LRP1B: variants seen among roughly 807,000 people sequenced by gnomAD.
LRP1B encodes the protein LDL receptor related protein 1B.
In LRP1B, 217 loss-of-function variants were observed where a neutral mutation model predicts 556.6. That is an observed-to-expected ratio of 0.39 (90% CI 0.35 to 0.44). The LOEUF is 0.44. Among genes scored for constraint, LRP1B ranks in the 20% least tolerant of loss-of-function variants. The pLI, the probability that LRP1B is intolerant of heterozygous loss-of-function variation, is 1.00. For missense variants in LRP1B, 5,053 were observed against 5,620.8 expected (o/e 0.90, Z 3.23); for synonymous variants, 2,047 against 1,865.8 (o/e 1.10, Z -2.50).
intron 3 of LRP1B, among the ~76,000 whole-genome samples, chr2:141,321,094 T>C (rs979736692): frequency 1.2e-4 from 19 of 152,100 alleles, no homozygotes; most frequent in Admixed American, 1.1e-3. Context: ...TAAACAGCCA[T>C]GTAACATGAA....
intron 11 of LRP1B, 63 bp from the exon 12 acceptor site, chr2:141,020,165 CT>C: frequency 1.1e-5 from 10 of 952,102 alleles, no homozygotes; most frequent in Non-Finnish European, 1.5e-5. Context: ...TTAGTGTTCA[CT>C]ACTAATAGCT....
rs149033375 is a variant in LRP1B at position 140,494,529 on chromosome 2, T to C, written c.9034+1036A>G. ...CTGAGGCGGGAGAATGGTGTGAACC[T>C]GGGGGAGGCAGAGCTTGCAGCGAGC... On this transcript the variant is annotated intron_variant, in intron 56 of 90. Transcript: ENST00000389484. Among the ~76,000 whole-genome samples the C allele has an allele frequency of 3.8e-3, 533 of 139,278 alleles. 8 individuals are homozygous for C. Among genetic ancestry groups the C allele is most frequent in the African/African-American group, 0.013 (493 of 36,810 alleles). The allele number at this position is 139,278 out of a possible 152,430, so 91.4% of individuals were successfully genotyped here.
intron 31 of LRP1B, among the ~76,000 whole-genome samples, chr2:140,828,358 C>T (rs1386480509): frequency 6.6e-6 from 1 of 151,508 alleles, no homozygotes; most frequent in Non-Finnish European, 1.5e-5. Flanking sequence ...GCCTGTAATC[C>T]CAGCACTTTG....
chr2:141,913,420 T>G (rs1262859825), intron 1 of LRP1B, among the ~76,000 whole-genome samples: 2 of 152,160 alleles, frequency 1.3e-5, no homozygotes, highest in Non-Finnish European at 2.9e-5. Flanking sequence ...GGGAGATCCT[T>G]CCCACTCTCC....
chr2:141,982,286 C>T (rs1455803574), intron 1 of LRP1B, among the ~76,000 whole-genome samples: 1 of 152,100 alleles, frequency 6.6e-6, no homozygotes, highest in African/African-American at 2.4e-5. Flanking sequence ...TAATTTAGAA[C>T]AAGCATTCAA....
chr2:142,097,086 C>T (rs957990535), intron 1 of LRP1B, among the ~76,000 whole-genome samples: 2 of 151,382 alleles, frequency 1.3e-5, no homozygotes, highest in African/African-American at 4.8e-5. Context: ...TACCAACAGT[C>T]CTGCTGTATT....
intron 2 of LRP1B, among the ~76,000 whole-genome samples, chr2:141,652,457 T>G (rs1226435836): frequency 7.2e-5 from 11 of 152,196 alleles, no homozygotes. Context: ...ATAGTATGAG[T>G]AAACATTTTG....
intron 10 of LRP1B, among the ~76,000 whole-genome samples, chr2:141,050,632 C>T (rs1020594423): frequency 2.6e-5 from 4 of 151,964 alleles, no homozygotes; most frequent in Admixed American, 6.6e-5. Flanking sequence ...CAAAAATTAA[C>T]TCAAGATGGA....
At chr2:140,863,133 T>C (rs531800756) in intron 27 of LRP1B, among the ~76,000 whole-genome samples, 30 of 152,226 alleles carry the variant, frequency 2.0e-4, no homozygotes, top group African/African-American at 7.0e-4. Context: ...AATCAATCTC[T>C]CTATCTCTGT....
chr2:141,126,239 G>A (rs1323963840), intron 7 of LRP1B, among the ~76,000 whole-genome samples: 1 of 151,994 alleles, frequency 6.6e-6, no homozygotes, highest in African/African-American at 2.4e-5. Context: ...TTGCCATATT[G>A]GCCAGGCTGG....
intron 82 of LRP1B, among the ~76,000 whole-genome samples, chr2:140,316,465 T>A (rs1048507493): frequency 5.3e-5 from 8 of 152,134 alleles, no homozygotes; most frequent in Non-Finnish European, 1.5e-5. Flanking sequence ...GAGACTTGCC[T>A]CATTGAAAAG....
At chr2:141,764,803 C>G (rs542800580) in intron 2 of LRP1B, among the ~76,000 whole-genome samples, 1 of 151,994 alleles carries the variant, frequency 6.6e-6, no homozygotes, top group African/African-American at 2.4e-5. Context: ...AAAAAAAATT[C>G]ACACACAAAA....
chr2:140,332,601 C>T (rs886646340), intron 79 of LRP1B, among the ~76,000 whole-genome samples: 9 of 151,986 alleles, frequency 5.9e-5, no homozygotes, highest in Non-Finnish European at 1.2e-4. Flanking sequence ...ACATCACAGC[C>T]CCAAGGCCAA....
Position 140,995,420 on chromosome 2 carries a change from C to T in LRP1B, c.2504-1285G>A, listed in dbSNP as rs537408388. 2.9e-3 allele frequency among the ~76,000 whole-genome samples: 443 copies of T among 152,066 alleles called. 2 individuals are homozygous for T. Among genetic ancestry groups the T allele is most frequent in the Middle Eastern group, 0.014 (4 of 294 alleles). On this transcript the variant is annotated intron_variant, in intron 15 of 90. Coordinates refer to ENST00000389484, the MANE Select transcript of LRP1B (RefSeq NM_018557.3). ...TGATTTGACTTTTAACAACTAAGAA[C>T]TTCGAAGATTTATTTTAAACAACAC...
At chr2:141,500,209 AT>A (rs1282676829) in intron 2 of LRP1B, among the ~76,000 whole-genome samples, 1 of 152,092 alleles carries the variant, frequency 6.6e-6, no homozygotes, top group Non-Finnish European at 1.5e-5. Flanking sequence ...CTTTCCCCAT[AT>A]ATTTACCTTC....
intron 1 of LRP1B, among the ~76,000 whole-genome samples, chr2:142,098,843 A>G (rs930548986): frequency 1.3e-5 from 2 of 151,852 alleles, no homozygotes; most frequent in Non-Finnish European, 2.9e-5. Flanking sequence ...ATGAGAAATC[A>G]AAGCAGAAAT....
At chr2:141,350,849 T>C (rs986570893) in intron 3 of LRP1B, among the ~76,000 whole-genome samples, 4 of 152,068 alleles carry the variant, frequency 2.6e-5, no homozygotes, top group Non-Finnish European at 4.4e-5. Context: ...TTGGCCGCCA[T>C]TGGAATAAGT....
intron 7 of LRP1B, among the ~76,000 whole-genome samples, chr2:141,107,165 G>A (rs1425828977): frequency 6.6e-6 from 1 of 151,862 alleles, no homozygotes; most frequent in Admixed American, 6.6e-5. Flanking sequence ...AAAAGTAAAG[G>A]GTTCTATTCA....
At chr2:141,261,934 GT>G (rs1310713455) in intron 3 of LRP1B, among the ~76,000 whole-genome samples, 2 of 152,066 alleles carry the variant, frequency 1.3e-5, no homozygotes, top group African/African-American at 2.4e-5. Context: ...GTAAGTGGAT[GT>G]TTTACTTTAT....
Sources: gnomAD v4.1 joint callset for allele counts (sites outside exome capture counted in the v4.1 genomes callset) on GRCh38, gnomAD v4.1.1 for gene constraint, MANE v1.5 for transcripts, NCBI Gene and HGNC (gene_info 2026-07-23, HGNC 2026-07-21) for gene names.